The following SLC13A1 variants were observed in gnomAD, a reference collection of about 807,000 sequenced individuals.
The protein encoded by SLC13A1 is solute carrier family 13 member 1, also known as Na(+)/sulfate cotransporter.
In SLC13A1, 65 loss-of-function variants were observed where a neutral mutation model predicts 70.0. That is an observed-to-expected ratio of 0.93 (90% CI 0.76 to 1.14). SLC13A1 has a LOEUF of 1.14. Among genes scored for constraint, SLC13A1 ranks in the 50% most tolerant of loss-of-function variants. The pLI is 0.00. For synonymous variants in SLC13A1, 275 were observed against 250.5 expected (o/e 1.10, Z -0.92); for missense variants, 726 against 717.8 (o/e 1.01, Z -0.13).
At chr7:123,169,088 G>C in intron 4 of SLC13A1, 60 bp downstream of exon 4, 2 of 1,479,850 alleles carry the variant, frequency 1.4e-6, no homozygotes, top group South Asian at 1.2e-5. Context: ...TAGAATTCTT[G>C]AGTTTATGTC....
At chr7:123,143,372 C>T (rs1483693419) in intron 7 of SLC13A1, among the ~76,000 whole-genome samples, 1 of 152,130 alleles carries the variant, frequency 6.6e-6, no homozygotes, top group Non-Finnish European at 1.5e-5. Flanking sequence ...ACACTTTAGC[C>T]CGCAGTGGTG....
chr7:123,121,060 G>T (rs1465151319), intron 12 of SLC13A1, among the ~76,000 whole-genome samples: 1 of 151,668 alleles, frequency 6.6e-6, no homozygotes, highest in Non-Finnish European at 1.5e-5. Flanking sequence ...CTTTTTTTCT[G>T]AAATGCCTGT....
intron 6 of SLC13A1, among the ~76,000 whole-genome samples, chr7:123,151,965 A>C (rs961768170): frequency 1.1e-4 from 17 of 152,148 alleles, no homozygotes; most frequent in Non-Finnish European, 1.9e-4. Context: ...TTCTTGCATC[A>C]ACTCTTGCCT....
chr7:123,194,621 G>GAGAA (rs918425089), intron 1 of SLC13A1, among the ~76,000 whole-genome samples: 7 of 151,980 alleles, frequency 4.6e-5, no homozygotes, highest in Non-Finnish European at 1.0e-4. Context: ...ATGAAAGAAA[G>GAGAA]AGAAAGACAG....
chr7:123,153,364 T>C (rs1206031337), intron 6 of SLC13A1, among the ~76,000 whole-genome samples: 1 of 152,118 alleles, frequency 6.6e-6, no homozygotes, highest in East Asian at 1.9e-4. Context: ...CTAACACTAA[T>C]ATATCATAAT....
At chr7:123,116,474 T>C (rs1407071619) in intron 14 of SLC13A1, among the ~76,000 whole-genome samples, 1 of 152,172 alleles carries the variant, frequency 6.6e-6, no homozygotes, top group Admixed American at 6.5e-5. Context: ...GTTTGCTTAC[T>C]CCTGCATTCT....
At position 123,133,569 on chromosome 7, in the gene SLC13A1, G is replaced by A. The variant is rs879841367; in HGVS notation, c.932+841C>T. 6.6e-5 allele frequency among the ~76,000 whole-genome samples: 10 copies of A among 151,788 alleles called. No individual in the cohort carries two copies. The South Asian group carries it at 8.3e-4, about 13-fold the overall frequency. On this transcript the variant is annotated intron_variant, in intron 8 of 14. Coordinates refer to ENST00000194130, the MANE Select transcript of SLC13A1 (RefSeq NM_022444.4). ...TTTATTTATTTGAGACAAGAGTCTC[G>A]CTCTGTCATCCAGGCTGGAGTGCAA... is the stretch of plus-strand genomic sequence containing the variant.
chr7:123,137,383 T>A (rs1252170444), intron 7 of SLC13A1, among the ~76,000 whole-genome samples: 2 of 152,122 alleles, frequency 1.3e-5, no homozygotes, highest in African/African-American at 4.8e-5. Flanking sequence ...GTAATCAAAG[T>A]CCCTAGCAAT....
Position 123,168,357 on chromosome 7 carries a change from G to T in SLC13A1, c.660+17C>A, listed in dbSNP as rs1795139448. ...AATTTTGTATATAATTATTTAGAAA[G>T]AATCAAATTTATGTACCTTTTCCAA... On this transcript the variant is annotated intron_variant, in intron 6 of 14. Transcript: ENST00000194130. The T allele has an allele frequency of 6.6e-7, 1 of 1,508,758 alleles. No homozygotes were observed. The highest frequency in any genetic ancestry group is 9.1e-7 in the Non-Finnish European group (1 of 1,095,418). 93.5% of individuals were successfully genotyped at this position (1,508,758 alleles called of 1,614,324 possible). A position where few individuals can be genotyped will look rare whatever the true frequency, so the allele number is the denominator to read the frequency against.
rs1796024018 is a variant in SLC13A1, at chr7:123,192,438, A to G, written c.99+7410T>C. 1.3e-5 allele frequency among the ~76,000 whole-genome samples: 2 copies of G among 152,214 alleles called. 1 individual carries two copies. Among genetic ancestry groups the G allele is most frequent in the South Asian group, 4.1e-4 (2 of 4,834 alleles). On this transcript the variant is annotated intron_variant, in intron 1 of 14. Transcript: ENST00000194130. Reference sequence around the variant, plus strand: ...TCACCTTGGTTCTCTTTTAAATTATAGCCCCACATGGAATTAGAATATAAG... The same window carrying G: ...TCACCTTGGTTCTCTTTTAAATTATGGCCCCACATGGAATTAGAATATAAG...
chr7:123,167,020 C>G (rs980518693), intron 6 of SLC13A1, among the ~76,000 whole-genome samples: 2 of 151,546 alleles, frequency 1.3e-5, no homozygotes, highest in African/African-American at 4.9e-5. Flanking sequence ...GTTAGAATGG[C>G]GATCATTAAA....
chr7:123,132,630 C>CA (rs1793806176), intron 8 of SLC13A1, among the ~76,000 whole-genome samples: 1 of 152,164 alleles, frequency 6.6e-6, no homozygotes, highest in African/African-American at 2.4e-5. Flanking sequence ...CCTGGCCTCC[C>CA]AAAGCATTTC....
rs571946959 is a variant in SLC13A1, at chr7:123,132,699, G to T, written c.932+1711C>A. ...GTCTCTCTGGTTTGGTGAATAACAT[G>T]CTGTTTTATTCATAGGTCCTTGAAA... is the stretch of plus-strand genomic sequence containing the variant. On this transcript the variant is annotated intron_variant, in intron 8 of 14. Coordinates refer to ENST00000194130, the MANE Select transcript of SLC13A1 (RefSeq NM_022444.4). Among the ~76,000 whole-genome samples, 3 of 152,202 alleles carry T rather than the reference G, an allele frequency of 2.0e-5. No individual in the cohort carries two copies. The South Asian group carries it at 6.2e-4, about 32-fold the overall frequency.
chr7:123,186,518 T>A (rs1795806119), intron 1 of SLC13A1, among the ~76,000 whole-genome samples: 1 of 152,154 alleles, frequency 6.6e-6, no homozygotes, highest in Non-Finnish European at 1.5e-5. Context: ...TTCCTCTTTT[T>A]CTTCACCTTA....
In SLC13A1 at chr7:123,181,204, G is replaced by A. The variant is rs145994715; in HGVS notation, c.100-103C>T. On this transcript the variant is annotated intron_variant, in intron 1 of 14. Transcript: ENST00000194130. ...TTAATAGAGCCATGTCACAGAGAAC[G>A]TAAGAAGATCTGAAGACCTCTGCAT... 163 of 1,279,904 alleles carry A rather than the reference G, an allele frequency of 1.3e-4. 1 individual carries two copies. In the East Asian group the frequency reaches 3.5e-3, roughly 27 times the overall value. 79.3% of individuals were successfully genotyped at this position (1,279,904 alleles called of 1,614,324 possible).
At chr7:123,134,565 G>C (rs781426891) in intron 7 of SLC13A1, 36 bp from the exon 8 acceptor site, 97 of 1,598,140 alleles carry the variant, frequency 6.1e-5, no homozygotes, top group Non-Finnish European at 1.0e-5. Flanking sequence ...CAGGGATGGA[G>C]AGACAGGTGG....
At chr7:123,160,759 A>C (rs1332958312) in intron 6 of SLC13A1, among the ~76,000 whole-genome samples, 1 of 152,218 alleles carries the variant, frequency 6.6e-6, no homozygotes, top group Non-Finnish European at 1.5e-5. Flanking sequence ...ACCGCAGAAA[A>C]ATTGTTAGAA....
chr7:123,168,550 C>A lies in SLC13A1; in HGVS notation c.565G>T (p.Gly189Ter), dbSNP rs750392383. The change falls in exon 5 of 15, where the codon GGA becomes TGA. Residue 189 changes from glycine to a stop codon, truncating the protein, a stop_gained. Coordinates refer to ENST00000194130, the MANE Select transcript of SLC13A1 (RefSeq NM_022444.4). LOFTEE classifies it high-confidence loss of function. ...TCTTTCCTCTCATTTATTTCATGTC[C>A]ATTAACACTTTCTGCAAAACATTAA... is the stretch of plus-strand genomic sequence containing the variant. Reference protein sequence around the residue: ...HGLEIDESVNGHEINERKEKT... With the variant: ...HGLEIDESVN 1 of 1,606,826 alleles carries A rather than the reference C, an allele frequency of 6.2e-7. No individual in the cohort carries two copies. The highest frequency in any genetic ancestry group is 8.5e-7 in the Non-Finnish European group (1 of 1,174,896).
rs1332848657 is a variant in SLC13A1, at chr7:123,134,531, T to C, written c.813-2A>G. 2 of 1,611,996 alleles carry C rather than the reference T, an allele frequency of 1.2e-6. No individual in the cohort carries two copies. The highest frequency in any genetic ancestry group is 3.3e-5 in the Admixed American group (2 of 59,794). The stretch of plus-strand genomic sequence containing the variant: ...AGGCAACGACAGTCAGGATAGCGTC[T>C]GTGTGAAAACATGGAGACGTGTTCA... On this transcript the variant is annotated splice_acceptor_variant, in intron 7 of 14. Transcript: ENST00000194130. LOFTEE classifies it high-confidence loss of function.
Sources: gnomAD v4.1 joint callset for allele counts (sites outside exome capture counted in the v4.1 genomes callset) on GRCh38, gnomAD v4.1.1 for gene constraint, MANE v1.5 for transcripts, NCBI Gene and HGNC (gene_info 2026-07-23, HGNC 2026-07-21) for gene names.